PDE4D: variants seen among roughly 807,000 people sequenced by gnomAD.
PDE4D encodes the protein phosphodiesterase 4D.
A neutral mutation model predicts 87.4 loss-of-function variants in PDE4D; 24 were observed. The observed-to-expected ratio is 0.27, with a 90% CI of 0.20 to 0.39. The LOEUF is 0.39. PDE4D is among the 10% of genes least tolerant of loss of function. The probability of loss-of-function intolerance (pLI) is 1.00; values close to 1 mark genes in which losing one functional copy is unlikely to be tolerated. For missense variants in PDE4D, 714 were observed against 1,041.0 expected (o/e 0.69, Z 4.32); for synonymous variants, 384 against 383.2 (o/e 1.00, Z -0.02).
intron 1 of PDE4D, among the ~76,000 whole-genome samples, chr5:59,519,985 G>T (rs913375315): frequency 3.9e-5 from 6 of 152,138 alleles, no homozygotes; most frequent in African/African-American, 1.4e-4. Flanking sequence ...TTATGGGCAG[G>T]ACACGGTACC....
At chr5:59,897,820 T>C (rs374540975), upstream of PDE4D, among the ~76,000 whole-genome samples, 3 of 152,192 alleles carry the variant, frequency 2.0e-5, no homozygotes, top group African/African-American at 7.2e-5. Context: ...ATCATATGTG[T>C]TACAAAAGGC....
intron 1 of PDE4D, among the ~76,000 whole-genome samples, chr5:59,244,680 CTGTGTGTGTGTGTGTGTGTG>C (rs369829189): frequency 8.3e-6 from 1 of 120,054 alleles, no homozygotes; most frequent in Non-Finnish European, 1.7e-5. Context: ...GTGTGTGTGT[CTGTGTGTGTGTGTGTGTGTG>C]TGTGTGTGTG....
At chr5:59,298,113 C>CTTT (rs759820053) in intron 1 of PDE4D, among the ~76,000 whole-genome samples, 5,838 of 112,870 alleles carry the variant, frequency 0.052, 255 homozygotes, top group South Asian at 0.096. Flanking sequence ...ACAAGTGAAA[C>CTTT]TTTTTTTTTT....
At chr5:59,402,596 G>A (rs1401560317) in intron 1 of PDE4D, among the ~76,000 whole-genome samples, 1 of 147,918 alleles carries the variant, frequency 6.8e-6, no homozygotes, top group Non-Finnish European at 1.5e-5. Flanking sequence ...AATCCAAGAT[G>A]TCTACCTATT....
intron 6 of PDE4D, among the ~76,000 whole-genome samples, chr5:58,995,285 T>C (rs1020495043): frequency 1.3e-5 from 2 of 152,100 alleles, no homozygotes; most frequent in African/African-American, 4.8e-5. Flanking sequence ...CCACAGATAA[T>C]TTGTTAAATT....
chr5:59,520,553 C>T lies in PDE4D; in HGVS notation c.456-304585G>A, dbSNP rs188340371. Reference sequence around the variant, plus strand: ...TGTGGTGAGGCACCTCTCAGAGAAACCGAGGTTCACATTAGAATGGATTTC... The same window carrying T: ...TGTGGTGAGGCACCTCTCAGAGAAATCGAGGTTCACATTAGAATGGATTTC... On this transcript the variant is annotated intron_variant, in intron 1 of 14. Transcript: ENST00000340635. Among the ~76,000 whole-genome samples, 596 of 152,026 alleles carry T rather than the reference C, an allele frequency of 3.9e-3. 3 individuals are homozygous for T. The highest frequency in any genetic ancestry group is 9.4e-3 in the South Asian group (45 of 4,798).
At chr5:60,521,144 C>T (rs949251258) in intron 1 of PDE4D, 5 of 152,230 alleles carry the variant, frequency 3.3e-5, no homozygotes, top group African/African-American at 1.2e-4. Flanking sequence ...TGCTACCATC[C>T]TCTGCTGAAC....
chr5:60,155,704 C>A (rs1237267612), intron 2 of PDE4D, among the ~76,000 whole-genome samples: 2 of 152,178 alleles, frequency 1.3e-5, no homozygotes, highest in African/African-American at 4.8e-5. Context: ...TAGTTTATAA[C>A]TGCAGAGGTT....
Position 59,651,572 on chromosome 5 carries a change from G to A in PDE4D, c.455+241596C>T, listed in dbSNP as rs558090608. ...GTCATTCAATATATGAAACTTTTCC[G>A]TGGAAAATATTAATAATTATAATTG... On this transcript the variant is annotated intron_variant, in intron 1 of 14. Coordinates refer to ENST00000340635, the MANE Select transcript of PDE4D (RefSeq NM_001104631.2). Among the ~76,000 whole-genome samples, 786 of 151,986 alleles carry A rather than the reference G, an allele frequency of 5.2e-3. 4 individuals carry two copies. Among genetic ancestry groups the A allele is most frequent in the Non-Finnish European group, 8.5e-3 (580 of 67,970 alleles).
At chr5:60,248,620 T>C (rs1748062969) in intron 1 of PDE4D, among the ~76,000 whole-genome samples, 1 of 152,070 alleles carries the variant, frequency 6.6e-6, no homozygotes, top group Non-Finnish European at 1.5e-5. Flanking sequence ...TAGGACAGAC[T>C]GGACCTTCAC....
At chr5:59,825,513 T>G (rs942436933) in intron 1 of PDE4D, among the ~76,000 whole-genome samples, 1 of 152,162 alleles carries the variant, frequency 6.6e-6, no homozygotes, top group Admixed American at 6.5e-5. Flanking sequence ...ACAGAGTCTC[T>G]GTGGTAAAGT....
chr5:60,218,099 C>T (rs1297970897), intron 1 of PDE4D, among the ~76,000 whole-genome samples: 1 of 151,952 alleles, frequency 6.6e-6, no homozygotes, highest in African/African-American at 2.4e-5. Flanking sequence ...TCACAACAGA[C>T]ATTCATAACT....
chr5:60,493,163 C>T (rs933084002), intron 1 of PDE4D, among the ~76,000 whole-genome samples: 6 of 152,094 alleles, frequency 3.9e-5, no homozygotes, highest in African/African-American at 1.4e-4. Flanking sequence ...CAGGACATGA[C>T]ACACAAGGGG....
intron 1 of PDE4D, among the ~76,000 whole-genome samples, chr5:59,472,696 G>T (rs1345022444): frequency 6.6e-6 from 1 of 151,988 alleles, no homozygotes; most frequent in African/African-American, 2.4e-5. Context: ...AAGATTATAA[G>T]CCAGTTCCAT....
intron 1 of PDE4D, among the ~76,000 whole-genome samples, chr5:59,492,467 C>T (rs1201257882): frequency 6.6e-6 from 1 of 152,180 alleles, no homozygotes; most frequent in Non-Finnish European, 1.5e-5. Context: ...AGTGTATATA[C>T]ATAGGAACAT....
intron 1 of PDE4D, among the ~76,000 whole-genome samples, chr5:60,495,725 G>A (rs897124087): frequency 5.9e-5 from 9 of 152,214 alleles, no homozygotes; most frequent in African/African-American, 1.9e-4. Flanking sequence ...GAAATAAGAA[G>A]AGGGATACAG....
chr5:59,031,143 A>T (rs1286558842), intron 6 of PDE4D, among the ~76,000 whole-genome samples: 1 of 152,136 alleles, frequency 6.6e-6, no homozygotes, highest in African/African-American at 2.4e-5. Context: ...AATGTAAATT[A>T]GAACCACCAT....
chr5:59,565,628 G>T (rs1820750782), intron 1 of PDE4D, among the ~76,000 whole-genome samples: 1 of 152,232 alleles, frequency 6.6e-6, no homozygotes, highest in South Asian at 2.1e-4. Flanking sequence ...GGGTGAAAAG[G>T]CTATGGCGTA....
At chr5:59,662,936 C>T (rs1745488745) in intron 1 of PDE4D, among the ~76,000 whole-genome samples, 1 of 152,012 alleles carries the variant, frequency 6.6e-6, no homozygotes, top group Non-Finnish European at 1.5e-5. Flanking sequence ...TACACAAACA[C>T]ATTAAAGAAA....
Sources: gnomAD v4.1 joint callset for allele counts (sites outside exome capture counted in the v4.1 genomes callset) on GRCh38, gnomAD v4.1.1 for gene constraint, MANE v1.5 for transcripts, NCBI Gene and HGNC (gene_info 2026-07-23, HGNC 2026-07-21) for gene names.